Variants in IMMP2L observed in about 807,000 individuals in gnomAD.
IMMP2L encodes the protein mitochondrial inner membrane protease subunit 2.
A neutral mutation model predicts 19.3 loss-of-function variants in IMMP2L; 18 were observed. The observed-to-expected ratio is 0.93, with a 90% CI of 0.64 to 1.38. The LOEUF is 1.38. Among genes scored for constraint, IMMP2L ranks in the 40% most tolerant of loss-of-function variants. The probability of loss-of-function intolerance (pLI) is 0.00; values close to 1 mark genes in which losing one functional copy is unlikely to be tolerated. For synonymous variants in IMMP2L, 76 were observed against 73.0 expected, an observed-to-expected ratio of 1.04 and a Z score of -0.21; for missense variants, 233 against 218.2, an observed-to-expected ratio of 1.07 and a Z score of -0.43.
At chr7:110,782,405 T>C (rs996494994) in intron 5 of IMMP2L, among the ~76,000 whole-genome samples, 3 of 151,924 alleles carry the variant, frequency 2.0e-5, no homozygotes, top group African/African-American at 7.2e-5. Context: ...TATTGTCAAT[T>C]TGACAGTTTC....
At chr7:111,421,248 T>C (rs1456880298) in intron 3 of IMMP2L, among the ~76,000 whole-genome samples, 1 of 149,986 alleles carries the variant, frequency 6.7e-6, no homozygotes, top group African/African-American at 2.5e-5. Flanking sequence ...CACTTTTTGA[T>C]GGGGTTGTTT....
At chr7:110,972,628 G>A (rs1380777841) in intron 3 of IMMP2L, among the ~76,000 whole-genome samples, 1 of 152,058 alleles carries the variant, frequency 6.6e-6, no homozygotes, top group African/African-American at 2.4e-5. Context: ...GACTGTGAAA[G>A]ATCATAAGGG....
chr7:111,366,105 C>T (rs535054376), intron 3 of IMMP2L, among the ~76,000 whole-genome samples: 40 of 152,080 alleles, frequency 2.6e-4, no homozygotes, highest in Admixed American at 2.2e-3. Flanking sequence ...TTTACATGCA[C>T]GGTCTCTGAG....
chr7:111,233,088 C>T (rs1469198782), intron 3 of IMMP2L, among the ~76,000 whole-genome samples: 1 of 152,102 alleles, frequency 6.6e-6, no homozygotes, highest in Non-Finnish European at 1.5e-5. Flanking sequence ...AAACACTGAA[C>T]CTAACTCATC....
chr7:110,741,503 T>A (rs1282584494), intron 5 of IMMP2L, among the ~76,000 whole-genome samples: 1 of 152,184 alleles, frequency 6.6e-6, no homozygotes, highest in Non-Finnish European at 1.5e-5. Context: ...TTGCCCTTTT[T>A]CCACGTGAGG....
chr7:110,701,913 T>C (rs756058718), intron 5 of IMMP2L, among the ~76,000 whole-genome samples: 2 of 152,088 alleles, frequency 1.3e-5, no homozygotes, highest in Non-Finnish European at 2.9e-5. Flanking sequence ...ATAAATTGTG[T>C]TGCTGAATGG....
At chr7:110,736,902 A>G (rs1418228110) in intron 5 of IMMP2L, among the ~76,000 whole-genome samples, 1 of 152,220 alleles carries the variant, frequency 6.6e-6, no homozygotes, top group Non-Finnish European at 1.5e-5. Flanking sequence ...TGCTGAAATA[A>G]GTCAAAAATT....
At chr7:111,373,107 A>G (rs1456814557) in intron 3 of IMMP2L, among the ~76,000 whole-genome samples, 2 of 151,876 alleles carry the variant, frequency 1.3e-5, no homozygotes, top group African/African-American at 2.4e-5. Flanking sequence ...ACTTTAAAGT[A>G]GCATTAAGTG....
intron 5 of IMMP2L, among the ~76,000 whole-genome samples, chr7:110,764,042 T>A (rs1481596756): frequency 6.6e-6 from 1 of 152,138 alleles, no homozygotes; most frequent in Non-Finnish European, 1.5e-5. Context: ...AAGGCTTTAA[T>A]TCACAGAAGC....
At position 111,194,797 on chromosome 7, in the gene IMMP2L, G is replaced by GA. The variant is rs1809295385; in HGVS notation, c.240-231233dup. Among the ~76,000 whole-genome samples, 5 of 152,112 alleles carry GA rather than the reference G, an allele frequency of 3.3e-5. No homozygotes were observed. In the South Asian group the frequency reaches 1.0e-3, roughly 32 times the overall value. On this transcript the variant is annotated intron_variant, in intron 3 of 5. Transcript: ENST00000405709. ...AGGCATTATATCTAACCTTATATTA[G>GA]AAATCACAAAATTACTTACCAAGAC...
At chr7:111,160,787 A>G (rs970552430) in intron 3 of IMMP2L, among the ~76,000 whole-genome samples, 9 of 150,624 alleles carry the variant, frequency 6.0e-5, no homozygotes, top group South Asian at 2.1e-4. Flanking sequence ...AAAATATAAG[A>G]TAAGATTAAA....
intron 3 of IMMP2L, among the ~76,000 whole-genome samples, chr7:111,301,329 T>C (rs1822213474): frequency 6.6e-6 from 1 of 151,956 alleles, no homozygotes; most frequent in Admixed American, 6.6e-5. Context: ...GAGTTATTTA[T>C]ATATTCTAGA....
intron 3 of IMMP2L, among the ~76,000 whole-genome samples, chr7:111,168,690 T>C (rs1411959502): frequency 6.6e-6 from 1 of 151,944 alleles, no homozygotes; most frequent in Non-Finnish European, 1.5e-5. Context: ...TGTATACTTT[T>C]CAAGCAAAGC....
chr7:111,205,839 T>A (rs2129617384), intron 3 of IMMP2L, among the ~76,000 whole-genome samples: 1 of 152,278 alleles, frequency 6.6e-6, no homozygotes, highest in South Asian at 2.1e-4. Flanking sequence ...GGGGCCTTAT[T>A]TGATTCATAT....
intron 3 of IMMP2L, among the ~76,000 whole-genome samples, chr7:111,048,501 C>T (rs13238212): frequency 0.049 from 7,397 of 152,042 alleles, 254 homozygotes; most frequent in Non-Finnish European, 0.074. Flanking sequence ...ATTCTGTTTT[C>T]CCACTGAGGT....
rs555428381 is a variant in IMMP2L at position 110,846,604 on chromosome 7, G to A, written c.408+39989C>T. Among the ~76,000 whole-genome samples, 41 of 152,026 alleles carry A rather than the reference G, an allele frequency of 2.7e-4. No homozygotes were observed. In the South Asian group the frequency reaches 7.5e-3, roughly 28 times the overall value. ...TGGTCTCGAACTCCTGACCTCAGATGATCCATCTGCCTCAGCCTCCCAAAA... is the reference window on the plus strand; with the variant it reads ...TGGTCTCGAACTCCTGACCTCAGATAATCCATCTGCCTCAGCCTCCCAAAA... On this transcript the variant is annotated intron_variant, in intron 5 of 5. Transcript: ENST00000405709.
intron 3 of IMMP2L, among the ~76,000 whole-genome samples, chr7:110,969,414 A>G (rs2129556349): frequency 6.6e-6 from 1 of 152,168 alleles, no homozygotes; most frequent in East Asian, 1.9e-4. Flanking sequence ...CATTCATAAA[A>G]TCCTCTCAAG....
chr7:111,104,903 C>T (rs933531381), intron 3 of IMMP2L, among the ~76,000 whole-genome samples: 1 of 151,668 alleles, frequency 6.6e-6, no homozygotes, highest in African/African-American at 2.4e-5. Flanking sequence ...GAGAAGGGGA[C>T]AGTCTCTCAC....
intron 3 of IMMP2L, among the ~76,000 whole-genome samples, chr7:111,406,039 T>C (rs899439087): frequency 2.0e-5 from 3 of 152,010 alleles, no homozygotes; most frequent in African/African-American, 7.2e-5. Context: ...ATCCTGAAAA[T>C]TACCCAAATT....
Sources: gnomAD v4.1 joint callset for allele counts (sites outside exome capture counted in the v4.1 genomes callset) on GRCh38, gnomAD v4.1.1 for gene constraint, MANE v1.5 for transcripts, NCBI Gene and HGNC (gene_info 2026-07-23, HGNC 2026-07-21) for gene names.